The following FASN variants were observed in gnomAD, a reference collection of about 807,000 sequenced individuals.
The protein encoded by FASN is 3-hydroxyacyl-[acyl-carrier-protein] dehydratase.
A neutral mutation model predicts 250.0 loss-of-function variants in FASN; 50 were observed. The observed-to-expected ratio is 0.20, with a 90% CI of 0.16 to 0.25. The LOEUF (loss-of-function observed/expected upper bound fraction) is 0.25, where lower values mean the gene tolerates loss of function less well. Among genes scored for constraint, FASN ranks in the 10% least tolerant of loss-of-function variants. FASN has a pLI of 1.00. For missense variants in FASN, 3,031 were observed against 3,498.5 expected, an observed-to-expected ratio of 0.87 and a Z score of 3.37; for synonymous variants, 1,909 against 1,584.0, an observed-to-expected ratio of 1.21 and a Z score of -4.87.
At position 82,083,417 on chromosome 17, in the gene FASN, T is replaced by C. The variant is rs776055400; in HGVS notation, c.5350A>G (p.Ile1784Val). ...LSQNHPLGMA[I>V]FLKNVTFHGV... Reference sequence around the variant, plus strand: ...TGGAATGTCACGTTCTTCAGGAAGATAGCCATGCCTGCGGGCAGGGGCCGT... The same window carrying C: ...TGGAATGTCACGTTCTTCAGGAAGACAGCCATGCCTGCGGGCAGGGGCCGT... Residue 1784 changes from isoleucine (I) to valine (V), a missense_variant, in exon 32 of 43, where the codon ATC (isoleucine) becomes GTC (valine). Coordinates refer to ENST00000306749, the MANE Select transcript of FASN (RefSeq NM_004104.5). 9.9e-6 allele frequency: 16 copies of C among 1,612,624 alleles called. No individual in the cohort carries two copies. The South Asian group carries it at 1.8e-4, about 18-fold the overall frequency.
At position 82,090,420 on chromosome 17, in the gene FASN, A is replaced by G. The variant is rs1192474136; in HGVS notation, c.1825T>C (p.Cys609Arg). ...GGCGGGAGATGGGCTTCTTTGATGCACTGTCCCCTCCAGTAGGCAGCGAGG... is the reference window on the plus strand; with the variant it reads ...GGCGGGAGATGGGCTTCTTTGATGCGCTGTCCCCTCCAGTAGGCAGCGAGG... ...AVLAAYWRGQ[C>R]IKEAHLPPGA... The change falls in exon 11 of 43, where the codon TGC becomes CGC. Residue 609 changes from cysteine (C) to arginine (R), a missense_variant. Physicochemically the swap from Cys to Arg is radical, Grantham distance 180. Transcript: ENST00000306749. 3 of 1,601,548 alleles carry G rather than the reference A, an allele frequency of 1.9e-6. No individual in the cohort carries two copies. The highest frequency in any genetic ancestry group is 2.6e-6 in the Non-Finnish European group (3 of 1,175,270).
In FASN at chr17:82,082,516, C is replaced by T. The variant is rs1286940599; in HGVS notation, c.5919+11G>A. On this transcript the variant is annotated intron_variant, in intron 34 of 42. Coordinates refer to ENST00000306749, the MANE Select transcript of FASN (RefSeq NM_004104.5). ...GGGCTTTTGAGGGCCCCATTTGGGGCCTTCCCTCACCACGGCCAGGTTGAA... is the reference window on the plus strand; with the variant it reads ...GGGCTTTTGAGGGCCCCATTTGGGGTCTTCCCTCACCACGGCCAGGTTGAA... 6.2e-7 allele frequency: 1 copy of T among 1,608,840 alleles called. No individual in the cohort carries two copies. The highest frequency in any genetic ancestry group is 1.1e-5 in the South Asian group (1 of 91,086).
chr17:82,080,036 G>C, intron 41 of FASN, 104 bp downstream of exon 41: 1 of 1,239,572 alleles, frequency 8.1e-7, no homozygotes. Flanking sequence ...GGTGAAGTTG[G>C]GGGGCCTTTA....
At position 82,082,043 on chromosome 17, in the gene FASN, A is replaced by G. The variant is rs1357399088; in HGVS notation, c.6129T>C (p.Arg2043=). The stretch of plus-strand genomic sequence containing the variant: ...CTTCGTGCCGGCGTTTCTCACAGAT[A>G]CGCTCCATGGCGGAATTGGCAAAGC... The part of the protein sequence containing the change: ...NYGFANSAME[R]ICEKRRHEGL... The change falls in exon 36 of 43, where the codon CGT becomes CGC. Residue 2043 remains arginine (R), a synonymous_variant. Coordinates refer to ENST00000306749, the MANE Select transcript of FASN (RefSeq NM_004104.5). The G allele has an allele frequency of 3.7e-6, 6 of 1,610,394 alleles. No individual in the cohort carries two copies. The South Asian group carries it at 5.5e-5, about 15-fold the overall frequency.
intron 1 of FASN, among the ~76,000 whole-genome samples, chr17:82,097,861 C>G (rs2034330869): frequency 6.6e-6 from 1 of 152,090 alleles, no homozygotes; most frequent in Non-Finnish European, 1.5e-5. Flanking sequence ...CGGCCTCCCC[C>G]ACGGGAAGCG....
Position 82,081,788 on chromosome 17 carries a change from C to T in FASN, c.6219G>A (p.Met2073Ile). ...IGDVGILVET[M>I]STNDTIVSGT... Reference sequence around the variant, plus strand: ...CACTGACGATCGTGTCGTTGGTGCTCATCGTCTCCACCAAAATGCCCACGT... The same window carrying T: ...CACTGACGATCGTGTCGTTGGTGCTTATCGTCTCCACCAAAATGCCCACGT... The change falls in exon 37 of 43, where the codon ATG becomes ATA. Residue 2073 changes from methionine to isoleucine, a missense_variant. Coordinates refer to ENST00000306749, the MANE Select transcript of FASN (RefSeq NM_004104.5). 6.2e-7 allele frequency: 1 copy of T among 1,612,364 alleles called. No homozygotes were observed. Among genetic ancestry groups the T allele is most frequent in the Non-Finnish European group, 8.5e-7 (1 of 1,179,918 alleles).
intron 19 of FASN, 24 bp downstream of exon 19, chr17:82,087,661 G>A (rs376667106): frequency 5.0e-6 from 8 of 1,609,506 alleles, no homozygotes; most frequent in Non-Finnish European, 6.8e-6. Flanking sequence ...CGGTGGCTTG[G>A]GCAGCAGTGT....
chr17:82,093,510 A>G (rs1019055539), intron 4 of FASN, 88 bp downstream of exon 4: 15 of 1,596,718 alleles, frequency 9.4e-6, no homozygotes, highest in Non-Finnish European at 1.3e-5. Flanking sequence ...CACACACTGC[A>G]CGGAGTGAGC....
chr17:82,081,044 A>T, intron 38 of FASN, 120 bp downstream of exon 38: 1 of 1,400,152 alleles, frequency 7.1e-7, no homozygotes, highest in Non-Finnish European at 9.8e-7. Flanking sequence ...CGGGGTGGGA[A>T]CGCTCAGAAT....
At chr17:82,080,291 C>T (rs2033963576) in intron 40 of FASN, 53 bp from the exon 41 acceptor site, 11 of 1,610,896 alleles carry the variant, frequency 6.8e-6, no homozygotes, top group Middle Eastern at 1.6e-4. Flanking sequence ...GCCTCCTAAG[C>T]GACGGTCCCC....
In FASN at chr17:82,098,221, G is replaced by A. The variant is rs2034337055; in HGVS notation, c.-108C>T. On this transcript the variant is annotated 5_prime_UTR_variant, in exon 1 of 43. Coordinates refer to ENST00000306749, the MANE Select transcript of FASN (RefSeq NM_004104.5). ...GGCGGAGAGGGAGGCCGGGGCCGCTGCCGTCTCTCTGGCTCCCTCTAGGCC... is the reference window on the plus strand; with the variant it reads ...GGCGGAGAGGGAGGCCGGGGCCGCTACCGTCTCTCTGGCTCCCTCTAGGCC... The A allele has an allele frequency of 1.4e-5, 5 of 369,204 alleles. No individual in the cohort carries two copies. In the Admixed American group the frequency reaches 1.4e-4, roughly 10 times the overall value. The allele number at this position is 369,204 out of a possible 1,614,324, so 22.9% of individuals were successfully genotyped here. A position where few individuals can be genotyped will look rare whatever the true frequency, so the allele number is the denominator to read the frequency against.
Position 82,083,182 on chromosome 17 carries a change from G to T in FASN, c.5565+20C>A. On this transcript the variant is annotated intron_variant, in intron 32 of 42. Coordinates refer to ENST00000306749, the MANE Select transcript of FASN (RefSeq NM_004104.5). ...GACCAGAGCCTGGGGTGCCCGAGGC[G>T]CCGGGACTCCTCCCCTCACCTGCAC... The T allele has an allele frequency of 6.2e-7, 1 of 1,611,788 alleles. No individual in the cohort carries two copies. The highest frequency in any genetic ancestry group is 8.5e-7 in the Non-Finnish European group (1 of 1,179,928).
At chr17:82,093,472 T>C (rs994603880) in intron 4 of FASN, 53 bp from the exon 5 acceptor site, 2 of 1,580,592 alleles carry the variant, frequency 1.3e-6, no homozygotes, top group Non-Finnish European at 1.7e-6. Context: ...ACGAGACCCC[T>C]GAGCACACCT....
In FASN at chr17:82,098,134, G is replaced by T. The variant is rs892529932; in HGVS notation, c.-21C>A. ...GGCTGCTCGTACCTGGTGAGGGCGCGGGCGGCGGTGCGGGCGGCGGAGAGC... is the reference window on the plus strand; with the variant it reads ...GGCTGCTCGTACCTGGTGAGGGCGCTGGCGGCGGTGCGGGCGGCGGAGAGC... On this transcript the variant is annotated 5_prime_UTR_variant, in exon 1 of 43. Transcript: ENST00000306749. The T allele has an allele frequency of 2.9e-6, 1 of 348,640 alleles. No individual in the cohort carries two copies. Among genetic ancestry groups the T allele is most frequent in the Non-Finnish European group, 5.2e-6 (1 of 193,514 alleles). 21.6% of individuals were successfully genotyped at this position (348,640 alleles called of 1,614,324 possible).
chr17:82,085,294 T>C lies in FASN; in HGVS notation c.4231A>G (p.Ser1411Gly). Residue 1411 changes from serine (S) to glycine (G), a missense_variant, in exon 24 of 43, where the codon AGC (serine) becomes GGC (glycine). By Grantham distance (56) the Ser-to-Gly change is moderately conservative. Coordinates refer to ENST00000306749, the MANE Select transcript of FASN (RefSeq NM_004104.5). ...FLCRRPTPQDSPIFLPVDDTS... is the reference protein window; with the variant it reads ...FLCRRPTPQDGPIFLPVDDTS... ...TCGTCCACCGGCAGGAAGATGGGGC[T>C]GTCCTGCGGGGTGGGCCGGCGGCAC... 6.2e-7 allele frequency: 1 copy of C among 1,611,330 alleles called. No homozygotes were observed. The highest frequency in any genetic ancestry group is 8.5e-7 in the Non-Finnish European group (1 of 1,179,440).
chr17:82,096,436 C>T lies in FASN; in HGVS notation c.10G>A (p.Val4Met), dbSNP rs2034304897. ...TTCCCGGACATGCCGGCAATCACCA[C>T]CTCCTCCATGGCTGCTCTGCAGGGC... MEE[V>M]VIAGMSGKLP... is the part of the protein sequence containing the mutation. The change falls in exon 2 of 43, where the codon GTG (valine) becomes ATG (methionine). Residue 4 changes from valine to methionine, a missense_variant. By Grantham distance (21) the Val-to-Met change is conservative (BLOSUM62 1). Coordinates refer to ENST00000306749, the MANE Select transcript of FASN (RefSeq NM_004104.5). The T allele has an allele frequency of 6.2e-7, 1 of 1,612,296 alleles. No homozygotes were observed. Among genetic ancestry groups the T allele is most frequent in the Non-Finnish European group, 8.5e-7 (1 of 1,179,978 alleles).
rs568267553 is a variant in FASN, at chr17:82,093,785, T to C, written c.281-14A>G. The stretch of plus-strand genomic sequence containing the variant: ...CTGGGTTGATGCCTGCCACAAACAG[T>C]GGTCAAGGTGCCACGGCCGGGCCCC... On this transcript the variant is annotated splice_polypyrimidine_tract_variant and intron_variant, in intron 3 of 42. Transcript: ENST00000306749. The C allele has an allele frequency of 1.1e-5, 18 of 1,611,648 alleles. No individual in the cohort carries two copies. The East Asian group carries it at 2.0e-4, about 18-fold the overall frequency.
chr17:82,081,281 C>A lies in FASN; in HGVS notation c.6478G>T (p.Val2160Leu). ...ADLGLDSLMS[V>L]EVRQTLEREL... ...CGCTCCAGCGTCTGGCGCACCTCCA[C>A]GCTCATGAGCGAGTCCAGGCCCAGG... Residue 2160 changes from valine (V) to leucine (L), a missense_variant, in exon 38 of 43, where the codon GTG (valine) becomes TTG (leucine). Physicochemically the swap from Val to Leu is conservative, Grantham distance 32 (BLOSUM62 1). Coordinates refer to ENST00000306749, the MANE Select transcript of FASN (RefSeq NM_004104.5). 1 of 1,563,040 alleles carries A rather than the reference C, an allele frequency of 6.4e-7. No individual in the cohort carries two copies. Among genetic ancestry groups the A allele is most frequent in the Non-Finnish European group, 8.7e-7 (1 of 1,153,864 alleles).
Position 82,079,619 on chromosome 17 carries a change from G to A in FASN, c.7147-11C>T, listed in dbSNP as rs377176893. 19 of 1,598,492 alleles carry A rather than the reference G, an allele frequency of 1.2e-5. No homozygotes were observed. The highest frequency in any genetic ancestry group is 1.1e-4 in the East Asian group (5 of 44,862). ...CAGCGCCTCCAGCACCTGTGGGGTCGGGCTCTGAGCAGGTGCTGGCAGCAC... is the reference window on the plus strand; with the variant it reads ...CAGCGCCTCCAGCACCTGTGGGGTCAGGCTCTGAGCAGGTGCTGGCAGCAC... On this transcript the variant is annotated splice_polypyrimidine_tract_variant and intron_variant, in intron 41 of 42. Transcript: ENST00000306749.
Sources: allele counts gnomAD v4.1 joint callset (sites outside exome capture counted in the v4.1 genomes callset), GRCh38; gene constraint gnomAD v4.1.1; transcripts MANE v1.5; gene names NCBI Gene and HGNC (gene_info 2026-07-23, HGNC 2026-07-21).